Variants in IGBP1 observed in about 807,000 individuals in gnomAD.
The protein encoded by IGBP1 is immunoglobulin binding protein 1.
IGBP1 carries 2 observed loss-of-function variants against 25.9 expected under a neutral mutation model. The observed-to-expected ratio is 0.08, with a 90% CI of 0.03 to 0.24. IGBP1 has a LOEUF of 0.24. Among genes scored for constraint, IGBP1 ranks in the 10% least tolerant of loss-of-function variants. The pLI, the probability that IGBP1 is intolerant of heterozygous loss-of-function variation, is 1.00. For missense variants in IGBP1, 187 were observed against 260.4 expected, an observed-to-expected ratio of 0.72 and a Z score of 1.94; for synonymous variants, 96 against 93.4, an observed-to-expected ratio of 1.03 and a Z score of -0.16.
At chrX:70,153,851 C>T (rs2085218463) in intron 6 of IGBP1, among the ~76,000 whole-genome samples, 1 of 110,785 alleles carries the variant, frequency 9.0e-6, no homozygotes, top group African/African-American at 3.3e-5. Context: ...CAACAGCTTC[C>T]GCTCCCCAAA....
At chrX:70,135,620 G>C (rs748670964) in intron 3 of IGBP1, among the ~76,000 whole-genome samples, 107 of 111,679 alleles carry the variant, frequency 9.6e-4, no homozygotes, top group South Asian at 2.3e-3. Context: ...AAGAGGAGAG[G>C]AGGGCATTAG....
Position 70,134,628 on chromosome X carries a change from T to A in IGBP1, c.294T>A (p.Arg98=). ...LTMKQVNPSK[R]LDHLQRAREH... is the part of the protein sequence containing the mutation. Reference sequence around the variant, plus strand: ...TGAAACAAGTCAACCCCAGCAAGCGTCTAGATCATTTGCAGCGGGCTCGAG... The same window carrying A: ...TGAAACAAGTCAACCCCAGCAAGCGACTAGATCATTTGCAGCGGGCTCGAG... The change falls in exon 3 of 7, where the codon CGT becomes CGA. Residue 98 remains arginine, a synonymous_variant. Coordinates refer to ENST00000356413, the MANE Select transcript of IGBP1 (RefSeq NM_001551.3). The A allele has an allele frequency of 8.3e-7, 1 of 1,211,489 alleles. No homozygotes were observed. Among genetic ancestry groups the A allele is most frequent in the Non-Finnish European group, 1.1e-6 (1 of 895,182 alleles).
At chrX:70,136,868 G>A (rs1441378198) in intron 3 of IGBP1, among the ~76,000 whole-genome samples, 1 of 109,867 alleles carries the variant, frequency 9.1e-6, no homozygotes, top group Non-Finnish European at 1.9e-5. Context: ...CACCACGCCC[G>A]GCTAGTTTTT....
chrX:70,144,668 T>TC (rs1316953406), intron 3 of IGBP1, among the ~76,000 whole-genome samples: 1 of 86,335 alleles, frequency 1.2e-5, no homozygotes, highest in African/African-American at 4.3e-5. Flanking sequence ...TTTTTTTTTT[T>TC]TTTTTTTTTT....
At position 70,162,699 on chromosome X, in the gene IGBP1, C is replaced by A. The variant is rs748996351; in HGVS notation, c.872-3134C>A. 3.6e-5 allele frequency among the ~76,000 whole-genome samples: 4 copies of A among 112,006 alleles called. No individual in the cohort carries two copies. In the East Asian group the frequency reaches 1.1e-3, roughly 31 times the overall value. The stretch of plus-strand genomic sequence containing the variant: ...TTTAAAACAATAATTGTGGGCCGGG[C>A]GCGGTGGCTCACGCCTGTAATTCCA... On this transcript the variant is annotated intron_variant, in intron 6 of 6. Coordinates refer to ENST00000356413, the MANE Select transcript of IGBP1 (RefSeq NM_001551.3).
At position 70,150,197 on chromosome X, in the gene IGBP1, G is replaced by A. The variant is rs369348152; in HGVS notation, c.759-13G>A. On this transcript the variant is annotated splice_polypyrimidine_tract_variant and intron_variant, in intron 5 of 6. Coordinates refer to ENST00000356413, the MANE Select transcript of IGBP1 (RefSeq NM_001551.3). ...TGTTTTTTTGTTTTCTAAATGCAGC[G>A]TAATTTTTGCAGAGTATTTGGAGCT... is the stretch of plus-strand genomic sequence containing the variant. 85 of 1,048,759 alleles carry A rather than the reference G, an allele frequency of 8.1e-5. No homozygotes were observed. The highest frequency in any genetic ancestry group is 1.5e-4 in the Admixed American group (7 of 45,357). 86.4% of individuals were successfully genotyped at this position (1,048,759 alleles called of 1,213,427 possible). A position where few individuals can be genotyped will look rare whatever the true frequency, so the allele number is the denominator to read the frequency against.
chrX:70,152,969 A>G (rs2085212795), intron 6 of IGBP1, among the ~76,000 whole-genome samples: 1 of 112,339 alleles, frequency 8.9e-6, no homozygotes, highest in African/African-American at 3.2e-5. Flanking sequence ...AATGTCAGCA[A>G]ACCCCAACAG....
At chrX:70,134,887 T>C (rs1485499554) in intron 3 of IGBP1, 71 bp downstream of exon 3, 5 of 1,015,081 alleles carry the variant, frequency 4.9e-6, no homozygotes, top group Non-Finnish European at 7.0e-6. Flanking sequence ...TCTTGGCGGG[T>C]GGTGGGGGGC....
chrX:70,136,189 C>G (rs974072061), intron 3 of IGBP1, among the ~76,000 whole-genome samples: 4 of 111,563 alleles, frequency 3.6e-5, no homozygotes, highest in African/African-American at 1.3e-4. Flanking sequence ...CTCAGCTTTC[C>G]TCATATGTGA....
intron 3 of IGBP1, among the ~76,000 whole-genome samples, chrX:70,146,390 C>T (rs575526283): frequency 9.1e-6 from 1 of 110,045 alleles, no homozygotes; most frequent in Non-Finnish European, 1.9e-5. Context: ...TGCTGAGATC[C>T]GGTTACTTCT....
chrX:70,146,692 G>C lies in IGBP1; in HGVS notation c.542G>C (p.Ser181Thr), dbSNP rs1354324521. 4.2e-6 allele frequency: 5 copies of C among 1,204,485 alleles called. No homozygotes were observed. The highest frequency in any genetic ancestry group is 5.6e-6 in the Non-Finnish European group (5 of 891,710). The change falls in exon 4 of 7, where the codon AGT (serine) becomes ACT (threonine). Residue 181 changes from serine (S) to threonine (T), a missense_variant. Transcript: ENST00000356413. ...RLSAMKSAVESGQADDERVRE... is the reference protein window; with the variant it reads ...RLSAMKSAVETGQADDERVRE... ...TCTGCAATGAAATCTGCTGTGGAAA[G>C]TGGTCAAGCAGATGATGAGCGTGTT...
Position 70,146,779 on chromosome X carries a change from G to T in IGBP1, c.629G>T (p.Ser210Ile). 3 of 1,208,195 alleles carry T rather than the reference G, an allele frequency of 2.5e-6. No individual in the cohort carries two copies. The highest frequency in any genetic ancestry group is 3.4e-6 in the Non-Finnish European group (3 of 892,723). ...GATATCAGCTTAGAAGAGATTGAGA[G>T]CATTGACCAGGAAATAAAGATCCTG... ...WIDISLEEIE[S>I]IDQEIKILRE... Residue 210 changes from serine (S) to isoleucine (I), a missense_variant, in exon 4 of 7, where the codon AGC (serine) becomes ATC (isoleucine). Transcript: ENST00000356413.
chrX:70,142,519 G>C (rs1046923279), intron 3 of IGBP1, among the ~76,000 whole-genome samples: 1 of 110,643 alleles, frequency 9.0e-6, no homozygotes, highest in African/African-American at 3.3e-5. Context: ...AAAGTGGAGT[G>C]GTAAAGACAT....
At chrX:70,138,984 T>C in intron 3 of IGBP1, among the ~76,000 whole-genome samples, 1 of 111,267 alleles carries the variant, frequency 9.0e-6, no homozygotes, top group East Asian at 2.8e-4. Context: ...AATAACAGAG[T>C]TTCAGAATAT....
chrX:70,133,978 C>A lies in IGBP1; in HGVS notation c.31C>A (p.Arg11=), dbSNP rs1422228855. 3.3e-6 allele frequency: 4 copies of A among 1,209,784 alleles called. No homozygotes were observed. In the Admixed American group the frequency reaches 8.7e-5, roughly 26 times the overall value. ...TGCTGAGGACGAGTTACAGCTGCCGCGGCTCCCCGAGCTGTTCGAAACTGG... is the reference window on the plus strand; with the variant it reads ...TGCTGAGGACGAGTTACAGCTGCCGAGGCTCCCCGAGCTGTTCGAAACTGG... The part of the protein sequence containing the change: MAAEDELQLP[R]LPELFETGRQ... The change falls in exon 2 of 7, where the codon CGG becomes AGG. Residue 11 remains arginine, a synonymous_variant. Coordinates refer to ENST00000356413, the MANE Select transcript of IGBP1 (RefSeq NM_001551.3).
chrX:70,143,789 T>G (rs965050042), intron 3 of IGBP1, among the ~76,000 whole-genome samples: 1 of 112,361 alleles, frequency 8.9e-6, no homozygotes, highest in African/African-American at 3.2e-5. Flanking sequence ...TACTTGTTTA[T>G]TAATTATGGG....
At chrX:70,138,416 G>A (rs1033916944) in intron 3 of IGBP1, among the ~76,000 whole-genome samples, 1 of 104,690 alleles carries the variant, frequency 9.6e-6, no homozygotes, top group Non-Finnish European at 1.9e-5. Flanking sequence ...CACTTGTTGA[G>A]GCTGCAGTGA....
chrX:70,154,714 C>CAAAAAAAAAAAAAAAA (rs762954223), intron 6 of IGBP1, among the ~76,000 whole-genome samples: 2 of 27,102 alleles, frequency 7.4e-5, no homozygotes, highest in South Asian at 4.5e-3. Flanking sequence ...CCCCTCTCCA[C>CAAAAAAAAAAAAAAAA]AAAAAAAAAA....
chrX:70,146,747 G>A lies in IGBP1; in HGVS notation c.597G>A (p.Arg199=), dbSNP rs11551789. 1,016 of 1,203,166 alleles carry A rather than the reference G, an allele frequency of 8.4e-4. 11 individuals are homozygous for A. The highest frequency in any genetic ancestry group is 5.5e-4 in the Admixed American group (25 of 45,479). ...AATATTATCTTCTTCACCTTCAGAG[G>A]TGGATTGATATCAGCTTAGAAGAGA... ...VREYYLLHLQ[R]WIDISLEEIE... The change falls in exon 4 of 7, where the codon AGG becomes AGA. Residue 199 remains arginine, a synonymous_variant. Coordinates refer to ENST00000356413, the MANE Select transcript of IGBP1 (RefSeq NM_001551.3).
Sources: allele counts gnomAD v4.1 joint callset (sites outside exome capture counted in the v4.1 genomes callset), GRCh38; gene constraint gnomAD v4.1.1; transcripts MANE v1.5; gene names NCBI Gene and HGNC (gene_info 2026-07-23, HGNC 2026-07-21).